The following GSTA1 variants were observed in gnomAD, a reference collection of about 807,000 sequenced individuals.
GSTA1 encodes glutathione S-transferase alpha 1.
Under a neutral mutation model 21.5 loss-of-function variants are expected in GSTA1, and 23 were observed. The observed-to-expected ratio is 1.07, with a 90% CI of 0.77 to 1.52. The LOEUF (loss-of-function observed/expected upper bound fraction) is 1.52. Ranked by LOEUF, GSTA1 falls within the 40% of genes most tolerant of loss-of-function variation. The pLI is 0.00. For missense variants in GSTA1, 301 were observed against 264.2 expected (o/e 1.14, Z -0.96); for synonymous variants, 125 against 90.0 (o/e 1.39, Z -2.20).
chr6:52,794,094 G>A (rs60761406), intron 5 of GSTA1, 31 bp downstream of exon 5: 5 of 1,612,672 alleles, frequency 3.1e-6, no homozygotes, highest in Non-Finnish European at 4.2e-6. Context: ...TCTAAACTCA[G>A]TTCCCCAAAA....
At chr6:52,796,543 A>ATATTTT (rs1300549721) in intron 3 of GSTA1, among the ~76,000 whole-genome samples, 6 of 23,772 alleles carry the variant, frequency 2.5e-4, no homozygotes, top group Non-Finnish European at 5.3e-4. Flanking sequence ...ATATATATAT[A>ATATTTT]TTTTTTTTTT....
intron 6 of GSTA1, 70 bp downstream of exon 6, chr6:52,792,786 G>T (rs531139869): frequency 5.6e-6 from 9 of 1,611,062 alleles, no homozygotes; most frequent in Middle Eastern, 3.3e-4. Flanking sequence ...TTGGTCAGTC[G>T]CAGGGCCCAG....
At chr6:52,801,359 TATG>T (rs1271314668) in intron 1 of GSTA1, among the ~76,000 whole-genome samples, 5 of 152,352 alleles carry the variant, frequency 3.3e-5, no homozygotes, top group Non-Finnish European at 7.3e-5. Context: ...TTGTACTTTC[TATG>T]ATAACTCCAG....
At chr6:52,800,062 A>G (rs911251722) in intron 1 of GSTA1, among the ~76,000 whole-genome samples, 7 of 152,188 alleles carry the variant, frequency 4.6e-5, no homozygotes, top group Admixed American at 3.3e-4. Context: ...TTCTAACTCT[A>G]TGGGGTGCAT....
intron 4 of GSTA1, among the ~76,000 whole-genome samples, chr6:52,795,543 A>C (rs1041777143): frequency 6.6e-6 from 1 of 152,172 alleles, no homozygotes; most frequent in Non-Finnish European, 1.5e-5. Context: ...AGCTGCCAGC[A>C]GTTTCATTCA....
intron 4 of GSTA1, 79 bp downstream of exon 4, chr6:52,796,103 C>T (rs910408727): frequency 3.7e-6 from 6 of 1,602,268 alleles, no homozygotes; most frequent in African/African-American, 2.7e-5. Flanking sequence ...TGATGCCCTG[C>T]CATCGTCCCA....
rs1763490359 is a variant in GSTA1, at chr6:52,792,863, A to G, written c.539T>C (p.Leu180Pro). ...GGCTGTGAAATGGGTCACCTTCAGC[A>G]GAGGGAAGCTGGAGATAAGACTGGA... is the stretch of plus-strand genomic sequence containing the variant. ...LDSSLISSFPLLKALKTRISN... is the reference protein window; with the variant it reads ...LDSSLISSFPPLKALKTRISN... Residue 180 changes from leucine to proline, a missense_variant, in exon 6 of 7, where the codon CTG (leucine) becomes CCG (proline). Leu to Pro is a moderately conservative substitution (Grantham distance 98). Coordinates refer to ENST00000334575, the MANE Select transcript of GSTA1 (RefSeq NM_145740.5). 6.2e-7 allele frequency: 1 copy of G among 1,613,850 alleles called. No individual in the cohort carries two copies.
chr6:52,794,377 A>C, intron 4 of GSTA1, 111 bp from the exon 5 acceptor site: 1 of 1,025,572 alleles, frequency 9.8e-7, no homozygotes, highest in Non-Finnish European at 1.4e-6. Flanking sequence ...ATTCACCTCC[A>C]GTGGGTGCCT....
chr6:52,799,235 A>G lies in GSTA1; in HGVS notation c.33T>C (p.Asn11=), dbSNP rs780492696. The G allele has an allele frequency of 2.5e-6, 4 of 1,613,856 alleles. No homozygotes were observed. The highest frequency in any genetic ancestry group is 3.4e-6 in the Non-Finnish European group (4 of 1,179,906). The change falls in exon 2 of 7, where the codon AAT becomes AAC. Residue 11 remains asparagine, a synonymous_variant. Coordinates refer to ENST00000334575, the MANE Select transcript of GSTA1 (RefSeq NM_145740.5). ...GGGTGGACTCCATTCTGCCCCGTGC[A>G]TTGAAGTAGTGGAGCTTGGGCTTCT... MAEKPKLHYF[N]ARGRMESTRW...
intron 6 of GSTA1, 158 bp downstream of exon 6, chr6:52,792,698 A>T: frequency 6.4e-7 from 1 of 1,568,816 alleles, no homozygotes; most frequent in Non-Finnish European, 8.6e-7. Flanking sequence ...AAGTGTTTTC[A>T]TTCCTCAAAA....
chr6:52,796,473 ATATATATATATATATATGTGTGTGTG>A (rs1411125385), intron 3 of GSTA1, among the ~76,000 whole-genome samples, 159 bp from the exon 4 acceptor site: 5 of 10,878 alleles, frequency 4.6e-4, no homozygotes, highest in African/African-American at 1.5e-3. Flanking sequence ...ATATATATAT[ATATATATATATATATATGTGTGTGTG>A]TGTGTGTGTG....
chr6:52,796,788 C>T lies in GSTA1; in HGVS notation c.140-474G>A, dbSNP rs550560825. 8.6e-5 allele frequency among the ~76,000 whole-genome samples: 13 copies of T among 151,626 alleles called. No individual in the cohort carries two copies. The South Asian group carries it at 2.3e-3, about 27-fold the overall frequency. On this transcript the variant is annotated intron_variant, in intron 3 of 6. Coordinates refer to ENST00000334575, the MANE Select transcript of GSTA1 (RefSeq NM_145740.5). ...AAATTCCTGAACTGAAATGATCTAC[C>T]CACCTCAGCCTCCCAAACTGGGATT...
At chr6:52,800,016 G>A (rs1254125821) in intron 1 of GSTA1, among the ~76,000 whole-genome samples, 1 of 152,208 alleles carries the variant, frequency 6.6e-6, no homozygotes, top group Admixed American at 6.5e-5. Flanking sequence ...TCAACAGACA[G>A]AGATTGTTAA....
At chr6:52,801,235 T>C (rs1763709705) in intron 1 of GSTA1, among the ~76,000 whole-genome samples, 1 of 152,246 alleles carries the variant, frequency 6.6e-6, no homozygotes, top group Admixed American at 6.5e-5. Context: ...CATCAAAATC[T>C]TTTAAATGTC....
intron 5 of GSTA1, among the ~76,000 whole-genome samples, chr6:52,793,457 C>T (rs958290282): frequency 2.0e-5 from 3 of 152,160 alleles, no homozygotes; most frequent in African/African-American, 7.2e-5. Context: ...TCTTTGTCTG[C>T]TCTCCTCATT....
At position 52,793,005 on chromosome 6, in the gene GSTA1, T is replaced by C; in HGVS notation, c.415-18A>G. On this transcript the variant is annotated intron_variant, in intron 5 of 6. Transcript: ENST00000334575. ...TTTAAGACCTGGAGAATGGGAGGAA[T>C]CAGATCAGGAACACATGCACACCCA... 1 of 1,613,894 alleles carries C rather than the reference T, an allele frequency of 6.2e-7. No homozygotes were observed. The highest frequency in any genetic ancestry group is 8.5e-7 in the Non-Finnish European group (1 of 1,179,872).
At chr6:52,797,459 C>T in intron 3 of GSTA1, 127 bp downstream of exon 3, 2 of 632,732 alleles carry the variant, frequency 3.2e-6, no homozygotes, top group Non-Finnish European at 2.8e-6. Context: ...CCATTTTAAC[C>T]ACTTTCTCCC....
intron 4 of GSTA1, among the ~76,000 whole-genome samples, chr6:52,794,596 G>A (rs1269146195): frequency 6.6e-6 from 1 of 152,144 alleles, no homozygotes; most frequent in Admixed American, 6.5e-5. Flanking sequence ...CTCCATTGTG[G>A]TTTGTTCTGT....
intron 1 of GSTA1, among the ~76,000 whole-genome samples, chr6:52,801,759 T>C (rs565918868): frequency 7.8e-4 from 119 of 152,274 alleles, no homozygotes; most frequent in African/African-American, 2.6e-3. Flanking sequence ...TCCTCATTCA[T>C]AGTCAATATC....
Sources: gnomAD v4.1 joint callset for allele counts (sites outside exome capture counted in the v4.1 genomes callset) on GRCh38, gnomAD v4.1.1 for gene constraint, MANE v1.5 for transcripts, NCBI Gene and HGNC (gene_info 2026-07-23, HGNC 2026-07-21) for gene names.